TXNDC11: variants seen among roughly 807,000 people sequenced by gnomAD.
The protein encoded by TXNDC11 is thioredoxin domain-containing protein 11.
TXNDC11 carries 68 observed loss-of-function variants against 78.0 expected under a neutral mutation model. The ratio of observed to expected loss-of-function variants is 0.87; its 90% CI spans 0.72 to 1.07. The LOEUF is 1.07. Among genes scored for constraint, TXNDC11 ranks in the 50% least tolerant of loss-of-function variants. TXNDC11 has a pLI of 0.00. For synonymous variants in TXNDC11, 571 were observed against 495.2 expected (o/e 1.15, Z -2.03); for missense variants, 1,389 against 1,221.8 (o/e 1.14, Z -2.04).
intron 7 of TXNDC11, among the ~76,000 whole-genome samples, chr16:11,692,627 G>C (rs1260143189): frequency 6.6e-6 from 1 of 152,188 alleles, no homozygotes; most frequent in Non-Finnish European, 1.5e-5. Context: ...AGTATATACA[G>C]GGTTCAGTAC....
intron 4 of TXNDC11, among the ~76,000 whole-genome samples, chr16:11,723,946 T>C (rs887243289): frequency 1.3e-5 from 2 of 152,212 alleles, no homozygotes; most frequent in African/African-American, 4.8e-5. Context: ...TTTGAAATAA[T>C]AATACTGTTA....
At chr16:11,709,256 A>ATTTTTTTTT (rs1555486409) in intron 5 of TXNDC11, among the ~76,000 whole-genome samples, 10 of 99,440 alleles carry the variant, frequency 1.0e-4, no homozygotes, top group Non-Finnish European at 1.9e-4. Context: ...ATAAGCTGTG[A>ATTTTTTTTT]TTCTTTTTTT....
In TXNDC11 at chr16:11,698,344, C is replaced by T; in HGVS notation, c.907-19G>A. ...GGAAGACCTGTGAAGGACAAAGGCA[C>T]AGAGGATAAAGGAGAGCTCGTGAGG... On this transcript the variant is annotated intron_variant, in intron 6 of 11. Transcript: ENST00000283033. The T allele has an allele frequency of 6.2e-7, 1 of 1,611,200 alleles. No individual in the cohort carries two copies. The highest frequency in any genetic ancestry group is 8.5e-7 in the Non-Finnish European group (1 of 1,178,768).
intron 8 of TXNDC11, among the ~76,000 whole-genome samples, chr16:11,689,809 G>C (rs1032105791): frequency 6.6e-6 from 1 of 152,008 alleles, no homozygotes; most frequent in African/African-American, 2.4e-5. Context: ...AAAAATGCTT[G>C]TTTCATTTTA....
chr16:11,693,284 C>T (rs1423655342), intron 7 of TXNDC11, among the ~76,000 whole-genome samples: 1 of 152,190 alleles, frequency 6.6e-6, no homozygotes, highest in Non-Finnish European at 1.5e-5. Context: ...TTCTAAGATT[C>T]TTCCATTTCC....
intron 5 of TXNDC11, among the ~76,000 whole-genome samples, chr16:11,707,687 G>C (rs1217029339): frequency 1.3e-5 from 2 of 151,872 alleles, no homozygotes; most frequent in African/African-American, 4.8e-5. Flanking sequence ...GACCTCAAGT[G>C]ATCTGCCTGC....
chr16:11,727,408 CTTAAAT>C (rs573561658), intron 4 of TXNDC11, among the ~76,000 whole-genome samples: 68 of 152,058 alleles, frequency 4.5e-4, no homozygotes, highest in Non-Finnish European at 8.7e-4. Flanking sequence ...TTTTGATATA[CTTAAAT>C]TTAAACACAC....
chr16:11,702,555 A>G (rs1228112889), intron 5 of TXNDC11, among the ~76,000 whole-genome samples: 1 of 152,186 alleles, frequency 6.6e-6, no homozygotes, highest in East Asian at 1.9e-4. Flanking sequence ...CTGTAATCCC[A>G]GCTACTTGGG....
chr16:11,734,223 G>T (rs1051338497), intron 2 of TXNDC11, 144 bp from the exon 3 acceptor site: 1 of 662,584 alleles, frequency 1.5e-6, no homozygotes. Context: ...GTTTTCAAAG[G>T]TCATAATTTA....
At chr16:11,690,342 T>C (rs1442507282) in intron 8 of TXNDC11, among the ~76,000 whole-genome samples, 1 of 152,226 alleles carries the variant, frequency 6.6e-6, no homozygotes, top group Non-Finnish European at 1.5e-5. Context: ...CATGGAGCCT[T>C]ACTCCTCAAA....
intron 5 of TXNDC11, among the ~76,000 whole-genome samples, chr16:11,717,593 G>A (rs758325526): frequency 6.6e-6 from 1 of 151,758 alleles, no homozygotes; most frequent in Non-Finnish European, 1.5e-5. Context: ...AGGCCGAAGC[G>A]GGCGGATCAT....
chr16:11,685,761 C>T (rs1407211409), intron 10 of TXNDC11, among the ~76,000 whole-genome samples: 2 of 152,164 alleles, frequency 1.3e-5, no homozygotes, highest in Non-Finnish European at 2.9e-5. Flanking sequence ...CCTGTGCCAG[C>T]CTACCTAAAA....
In TXNDC11 at chr16:11,679,500, G is replaced by C. The variant is rs2050359171; in HGVS notation, c.2572C>G (p.Gln858Glu). The C allele has an allele frequency of 6.2e-7, 1 of 1,613,338 alleles. No homozygotes were observed. Among genetic ancestry groups the C allele is most frequent in the African/African-American group, 1.3e-5 (1 of 74,946 alleles). Residue 858 changes from glutamine (Q) to glutamate (E), a missense_variant, in exon 12 of 12, where the codon CAG becomes GAG. Coordinates refer to ENST00000283033, the MANE Select transcript of TXNDC11 (RefSeq NM_015914.7). The surrounding 1 kb of genome is among the most constrained non-coding windows in gnomAD (Gnocchi z 4.6). ...QHSLLHAHSE[Q>E]LQALYEQKTR... The stretch of plus-strand genomic sequence containing the variant: ...TTCTGCTCATAGAGGGCCTGCAGCT[G>C]CTCACTGTGTGCGTGGAGCAGGCTG...
chr16:11,700,552 G>T lies in TXNDC11; in HGVS notation c.806C>A (p.Thr269Lys). The T allele has an allele frequency of 6.3e-7, 1 of 1,585,100 alleles. No homozygotes were observed. The highest frequency in any genetic ancestry group is 8.7e-7 in the Non-Finnish European group (1 of 1,155,472). Reference protein sequence around the residue: ...LHSLKKDYLGTVRFGVITNKH... With the variant: ...LHSLKKDYLGKVRFGVITNKH... ...ATTTGTGATAACCCCAAATCGTACT[G>T]TTCCTAGGTAATCTGAAACAGAAAA... is the stretch of plus-strand genomic sequence containing the variant. The change falls in exon 6 of 12, where the codon ACA becomes AAA. Residue 269 changes from threonine to lysine, a missense_variant. Transcript: ENST00000283033.
chr16:11,701,323 G>A (rs898335893), intron 5 of TXNDC11, among the ~76,000 whole-genome samples: 1 of 151,616 alleles, frequency 6.6e-6, no homozygotes, highest in African/African-American at 2.4e-5. Flanking sequence ...TTTTAGTAGA[G>A]ACGGGGTTTC....
intron 5 of TXNDC11, among the ~76,000 whole-genome samples, chr16:11,702,022 A>C (rs2051041188): frequency 7.5e-6 from 1 of 133,358 alleles, no homozygotes; most frequent in African/African-American, 3.2e-5. Context: ...TGATGTTAAC[A>C]AAAAAAAAAA....
At chr16:11,684,326 A>T in intron 10 of TXNDC11, 81 bp from the exon 11 acceptor site, 1 of 1,060,488 alleles carries the variant, frequency 9.4e-7, no homozygotes, top group Non-Finnish European at 1.4e-6. Flanking sequence ...GATAACTTCA[A>T]GAACCTGGTG....
intron 4 of TXNDC11, 76 bp downstream of exon 4, chr16:11,730,569 C>T: frequency 2.8e-6 from 4 of 1,452,110 alleles, no homozygotes; most frequent in Non-Finnish European, 2.8e-6. Context: ...TTTTTTAAAC[C>T]CCTTTAAAAC....
intron 10 of TXNDC11, among the ~76,000 whole-genome samples, chr16:11,685,080 C>T (rs1331829663): frequency 6.6e-6 from 1 of 152,204 alleles, no homozygotes; most frequent in African/African-American, 2.4e-5. Flanking sequence ...ATGGCACAAC[C>T]AGGCTGAGCA....
Sources: gnomAD v4.1 joint callset for allele counts (sites outside exome capture counted in the v4.1 genomes callset) on GRCh38, gnomAD v4.1.1 for gene constraint, Gnocchi (gnomAD v3.1) non-coding constraint, MANE v1.5 for transcripts, NCBI Gene and HGNC (gene_info 2026-07-23, HGNC 2026-07-21) for gene names.